Variants in FAT4 observed in about 807,000 individuals in gnomAD.
The protein encoded by FAT4 is FAT atypical cadherin 4, also known as protocadherin Fat 4.
A neutral mutation model predicts 303.9 loss-of-function variants in FAT4; 84 were observed. That is an observed-to-expected ratio of 0.28 (90% confidence interval 0.23 to 0.33). The LOEUF (loss-of-function observed/expected upper bound fraction) is 0.33. Among genes scored for constraint, FAT4 ranks in the 10% least tolerant of loss-of-function variants. The probability of loss-of-function intolerance (pLI) is 1.00; values close to 1 mark genes in which losing one functional copy is unlikely to be tolerated. For synonymous variants in FAT4, 2,307 were observed against 2,298.8 expected, an observed-to-expected ratio of 1.00 and a Z score of -0.10; for missense variants, 6,005 against 6,146.8, an observed-to-expected ratio of 0.98 and a Z score of 0.77.
In FAT4 at chr4:125,480,930, A is replaced by G. The variant is rs76560432; in HGVS notation, c.12605-591A>G. 6.8e-3 allele frequency among the ~76,000 whole-genome samples: 1,033 copies of G among 152,094 alleles called. 52 individuals are homozygous for G. The East Asian group carries it at 0.08, about 12-fold the overall frequency. Reference sequence around the variant, plus strand: ...TTAATATTCTTTCTTTAGCTATATTATTTGTTTCTATAACTTAAGCTTCAA... The same window carrying G: ...TTAATATTCTTTCTTTAGCTATATTGTTTGTTTCTATAACTTAAGCTTCAA... On this transcript the variant is annotated intron_variant, in intron 15 of 17. Transcript: ENST00000394329.
Position 125,450,224 on chromosome 4 carries a change from T to G in FAT4, c.9214T>G (p.Ser3072Ala). The G allele has an allele frequency of 6.2e-7, 1 of 1,614,012 alleles. No individual in the cohort carries two copies. The highest frequency in any genetic ancestry group is 1.1e-5 in the South Asian group (1 of 91,082). ...TAKDKGNPPLSSQATVHITVT... is the reference protein window; with the variant it reads ...TAKDKGNPPLASQATVHITVT... ...AAAGGATAAGGGAAACCCTCCACTT[T>G]CTTCCCAAGCAACTGTTCACATAAC... The change falls in exon 10 of 18, where the codon TCT becomes GCT. Residue 3072 changes from serine to alanine, a missense_variant. By Grantham distance (99) the Ser-to-Ala change is moderately conservative. Transcript: ENST00000394329.
In FAT4 at chr4:125,320,905, C is replaced by G; in HGVS notation, c.4494C>G (p.Ala1498=). The part of the protein sequence containing the change: ...FANLFELTVK[A]NDQAVPIETR... Reference sequence around the variant, plus strand: ...ATCTCTTTGAGTTGACTGTAAAAGCCAATGATCAAGCTGTGCCAATAGAAA... The same window carrying G: ...ATCTCTTTGAGTTGACTGTAAAAGCGAATGATCAAGCTGTGCCAATAGAAA... Residue 1498 remains alanine, a synonymous_variant, in exon 2 of 18, where the codon GCC becomes GCG. Transcript: ENST00000394329. 1 of 1,614,116 alleles carries G rather than the reference C, an allele frequency of 6.2e-7. No individual in the cohort carries two copies. The highest frequency in any genetic ancestry group is 1.1e-5 in the South Asian group (1 of 91,076).
chr4:125,353,653 A>AT (rs1732317756), intron 2 of FAT4, among the ~76,000 whole-genome samples: 1 of 151,708 alleles, frequency 6.6e-6, no homozygotes, highest in African/African-American at 2.4e-5. Flanking sequence ...TGTATTATAT[A>AT]TTTATCTTAA....
chr4:125,443,220 G>T (rs2126051995), intron 8 of FAT4, among the ~76,000 whole-genome samples: 1 of 152,248 alleles, frequency 6.6e-6, no homozygotes, highest in Admixed American at 6.5e-5. Context: ...TTGATTTAGG[G>T]TTCAGATCAC....
At position 125,451,040 on chromosome 4, in the gene FAT4, C is replaced by G. The variant is rs1243659384; in HGVS notation, c.10030C>G (p.Arg3344Gly). The G allele has an allele frequency of 6.2e-7, 1 of 1,613,802 alleles. No individual in the cohort carries two copies. The highest frequency in any genetic ancestry group is 1.1e-5 in the South Asian group (1 of 91,056). Reference protein sequence around the residue: ...EVHYLIFGNSRKKGFQINKKT... With the variant: ...EVHYLIFGNSGKKGFQINKKT... The stretch of plus-strand genomic sequence containing the variant: ...ACACTATTTGATTTTTGGTAATAGT[C>G]GAAAGAAGGGTTTCCAGATCAATAA... The change falls in exon 10 of 18, where the codon CGA (arginine) becomes GGA (glycine). Residue 3344 changes from arginine to glycine, a missense_variant. Physicochemically the swap from Arg to Gly is moderately radical, Grantham distance 125. Coordinates refer to ENST00000394329, the MANE Select transcript of FAT4 (RefSeq NM_001291303.3).
intron 8 of FAT4, among the ~76,000 whole-genome samples, chr4:125,439,274 A>C (rs1186026595): frequency 6.6e-6 from 1 of 152,000 alleles, no homozygotes; most frequent in East Asian, 1.9e-4. Flanking sequence ...TCTGTATCAC[A>C]ACCCTGGAGA....
intron 2 of FAT4, among the ~76,000 whole-genome samples, chr4:125,393,259 C>A (rs1444889911): frequency 6.6e-6 from 1 of 152,094 alleles, no homozygotes. Context: ...AGAGGATATG[C>A]ATTTAAGAAT....
chr4:125,360,136 G>A (rs1290958446), intron 2 of FAT4, among the ~76,000 whole-genome samples: 1 of 152,040 alleles, frequency 6.6e-6, no homozygotes, highest in Non-Finnish European at 1.5e-5. Context: ...TCAGGTCTCT[G>A]ACATTCTAAA....
rs757978155 is a variant in FAT4 at position 125,415,402 on chromosome 4, A to G, written c.6439A>G (p.Ile2147Val). 7.4e-6 allele frequency: 12 copies of G among 1,614,010 alleles called. No homozygotes were observed. The highest frequency in any genetic ancestry group is 5.9e-6 in the Non-Finnish European group (7 of 1,180,004). The change falls in exon 6 of 18, where the codon ATC becomes GTC. Residue 2147 changes from isoleucine (I) to valine (V), a missense_variant. By Grantham distance (29) the Ile-to-Val change is conservative. Coordinates refer to ENST00000394329, the MANE Select transcript of FAT4 (RefSeq NM_001291303.3). ...AGAGGTTGTAGTTATGGTACTTGACATCAATGATAACAACCCCATCTTTGC... is the reference window on the plus strand; with the variant it reads ...AGAGGTTGTAGTTATGGTACTTGACGTCAATGATAACAACCCCATCTTTGC... ...STEVVVMVLD[I>V]NDNNPIFAQA...
Position 125,319,235 on chromosome 4 carries a change from A to G in FAT4, c.2824A>G (p.Ile942Val), listed in dbSNP as rs368138514. Residue 942 changes from isoleucine to valine, a missense_variant, in exon 2 of 18, where the codon ATC (isoleucine) becomes GTC (valine). Transcript: ENST00000394329. ...GCAAAACCCCAAGAACCTGTTTGCT[A>G]TCAATGAAAAGAATGGCACTATTAG... Reference protein sequence around the residue: ...LKQNPKNLFAINEKNGTISLL... With the variant: ...LKQNPKNLFAVNEKNGTISLL... 3.1e-5 allele frequency: 50 copies of G among 1,614,052 alleles called. No individual in the cohort carries two copies. The African/African-American group carries it at 4.7e-4, about 15-fold the overall frequency.
At position 125,485,676 on chromosome 4, in the gene FAT4, C is replaced by T. The variant is rs1031679934; in HGVS notation, c.12823-1669C>T. Among the ~76,000 whole-genome samples the T allele has an allele frequency of 3.3e-5, 5 of 152,048 alleles. No individual in the cohort carries two copies. The East Asian group carries it at 9.6e-4, about 29-fold the overall frequency. On this transcript the variant is annotated intron_variant, in intron 16 of 17. Transcript: ENST00000394329. ...TTTTTATATCATTAGAAGCAGTACC[C>T]TCTAAAATAATGATTAAAAAAACGG...
At chr4:125,390,892 A>G (rs1042680019) in intron 2 of FAT4, among the ~76,000 whole-genome samples, 1 of 152,198 alleles carries the variant, frequency 6.6e-6, no homozygotes, top group Admixed American at 6.5e-5. Context: ...AAAAGAAGAC[A>G]TTTATGTGGC....
chr4:125,413,795 G>A (rs1298209263), intron 5 of FAT4, among the ~76,000 whole-genome samples: 1 of 151,936 alleles, frequency 6.6e-6, no homozygotes, highest in Non-Finnish European at 1.5e-5. Context: ...TGTTCTAGAC[G>A]ACTTTTGCCA....
At chr4:125,368,493 A>ATATATATGTATGTATATATTATATATATG (rs1206145764) in intron 2 of FAT4, among the ~76,000 whole-genome samples, 128 of 144,790 alleles carry the variant, frequency 8.8e-4, no homozygotes, top group African/African-American at 3.1e-3. Context: ...TAGGATATAT[A>ATATATATGTATGTATATATTATATATATG]TATATATGTA....
At chr4:125,483,220 A>G (rs898645412) in intron 16 of FAT4, among the ~76,000 whole-genome samples, 1 of 152,210 alleles carries the variant, frequency 6.6e-6, no homozygotes, top group Non-Finnish European at 1.5e-5. Context: ...CACATAAGCC[A>G]TTGTATTACA....
intron 2 of FAT4, among the ~76,000 whole-genome samples, chr4:125,360,966 T>A (rs991173470): frequency 1.3e-4 from 19 of 147,408 alleles, no homozygotes; most frequent in African/African-American, 4.4e-4. Context: ...TATTTATATT[T>A]TTATTATTAT....
chr4:125,407,016 G>A lies in FAT4; in HGVS notation c.5444G>A (p.Arg1815His), dbSNP rs774484692. The change falls in exon 4 of 18, where the codon CGT (arginine) becomes CAT (histidine). Residue 1815 changes from arginine to histidine, a missense_variant. Physicochemically the swap from Arg to His is conservative, Grantham distance 29. Coordinates refer to ENST00000394329, the MANE Select transcript of FAT4 (RefSeq NM_001291303.3). ...CGCTCCAAATATTCACTGCTAGTTC[G>A]TGCTGATGATGGTCTTCAGTCCTCG... ...ERRSKYSLLV[R>H]ADDGLQSSDM... The A allele has an allele frequency of 6.8e-6, 11 of 1,613,818 alleles. No individual in the cohort carries two copies. Among genetic ancestry groups the A allele is most frequent in the East Asian group, 6.7e-5 (3 of 44,844 alleles).
chr4:125,437,965 C>A (rs556244701), intron 8 of FAT4, among the ~76,000 whole-genome samples: 16 of 152,272 alleles, frequency 1.1e-4, no homozygotes, highest in African/African-American at 3.8e-4. Flanking sequence ...CAATAAATGT[C>A]AACCCATATT....
chr4:125,316,419 T>C lies in FAT4; in HGVS notation c.8T>C (p.Leu3Ser). 6.2e-7 allele frequency: 1 copy of C among 1,609,140 alleles called. No homozygotes were observed. The highest frequency in any genetic ancestry group is 1.7e-5 in the Admixed American group (1 of 59,820). Residue 3 changes from leucine (L) to serine (S), a missense_variant, in exon 2 of 18, where the codon TTA (leucine) becomes TCA (serine). Physicochemically the swap from Leu to Ser is moderately radical, Grantham distance 145. Coordinates refer to ENST00000394329, the MANE Select transcript of FAT4 (RefSeq NM_001291303.3). The surrounding 1 kb of genome is among the most constrained non-coding windows in gnomAD (Gnocchi z 5.7). ...TTTTAGGGAGCCAGGACCATGGACT[T>C]AGCACCAGACAGGGCTACTGGCCGC... Reference protein sequence around the residue: MDLAPDRATGRPW... With the variant: MDSAPDRATGRPW...
Sources: allele counts gnomAD v4.1 joint callset (sites outside exome capture counted in the v4.1 genomes callset), GRCh38; gene constraint gnomAD v4.1.1; non-coding constraint Gnocchi (gnomAD v3.1); transcripts MANE v1.5; gene names NCBI Gene and HGNC (gene_info 2026-07-23, HGNC 2026-07-21).